The following MYH14 variants were observed in gnomAD, a reference collection of about 807,000 sequenced individuals.
MYH14 encodes the protein myosin-14.
Under a neutral mutation model 255.5 loss-of-function variants are expected in MYH14, and 123 were observed. The observed-to-expected ratio is 0.48, with a 90% CI of 0.42 to 0.56. The LOEUF (loss-of-function observed/expected upper bound fraction) is 0.56, where lower values mean the gene tolerates loss of function less well. Among genes scored for constraint, MYH14 ranks in the 20% least tolerant of loss-of-function variants. The pLI is 0.00. For missense variants in MYH14, 2,423 were observed against 2,802.3 expected, an observed-to-expected ratio of 0.86 and a Z score of 3.06; for synonymous variants, 1,095 against 1,161.2, an observed-to-expected ratio of 0.94 and a Z score of 1.16.
At chr19:50,304,476 G>A (rs2036591495) in intron 40 of MYH14, among the ~76,000 whole-genome samples, 1 of 152,124 alleles carries the variant, frequency 6.6e-6, no homozygotes, top group Non-Finnish European at 1.5e-5. Context: ...TGTAATCCCA[G>A]CTACTCAGGA....
At chr19:50,259,409 C>A (rs2034737360) in intron 19 of MYH14, 144 bp downstream of exon 19, 3 of 1,105,650 alleles carry the variant, frequency 2.7e-6, no homozygotes, top group South Asian at 3.2e-5. Flanking sequence ...CTTTGCTGAG[C>A]CTCAGTTTAC....
At chr19:50,244,387 G>C in intron 11 of MYH14, 50 bp downstream of exon 11, 1 of 1,516,752 alleles carries the variant, frequency 6.6e-7, no homozygotes, top group African/African-American at 1.4e-5. Context: ...CGCCCAGGTG[G>C]TGCCCAGCCC....
chr19:50,230,556 G>A lies in MYH14; in HGVS notation c.906G>A (p.Gln302=). ...TGGAGAAGTCGCGGGCCATCCGCCA[G>A]GCCAAGGACGAGTGCAGCTTCCACA... ...YLLEKSRAIR[Q]AKDECSFHIF... is the part of the protein sequence containing the mutation. Residue 302 remains glutamine (Q), a synonymous_variant, in exon 9 of 43, where the codon CAG becomes CAA. Coordinates refer to ENST00000642316, the MANE Select transcript of MYH14 (RefSeq NM_001145809.2). This position sits in a 1 kb window ranked among gnomAD's most constrained non-coding sequence, Gnocchi z 4.7. The A allele has an allele frequency of 6.4e-7, 1 of 1,570,234 alleles. No homozygotes were observed. The highest frequency in any genetic ancestry group is 8.6e-7 in the Non-Finnish European group (1 of 1,158,212).
Position 50,249,074 on chromosome 19 carries a change from C to A in MYH14, c.1417C>A (p.Arg473Ser). ...LVLRLNRALD[R>S]SPRQGASFLG... Reference sequence around the variant, plus strand: ...TCTGCGCCTCAACCGGGCCTTGGACCGCAGCCCCCGCCAAGGCGCCTCCTT... The same window carrying A: ...TCTGCGCCTCAACCGGGCCTTGGACAGCAGCCCCCGCCAAGGCGCCTCCTT... Residue 473 changes from arginine to serine, a missense_variant, in exon 13 of 43, where the codon CGC (arginine) becomes AGC (serine). By Grantham distance (110) the Arg-to-Ser change is moderately radical. Coordinates refer to ENST00000642316, the MANE Select transcript of MYH14 (RefSeq NM_001145809.2). 1.2e-6 allele frequency: 2 copies of A among 1,607,084 alleles called. No individual in the cohort carries two copies. The highest frequency in any genetic ancestry group is 1.7e-6 in the Non-Finnish European group (2 of 1,177,164).
At chr19:50,244,397 C>T in intron 11 of MYH14, 60 bp downstream of exon 11, 1 of 1,353,700 alleles carries the variant, frequency 7.4e-7, no homozygotes, top group Non-Finnish European at 1.1e-6. Context: ...GTGCCCAGCC[C>T]TCCTGCACCC....
intron 10 of MYH14, among the ~76,000 whole-genome samples, chr19:50,242,074 G>T (rs372103635): frequency 6.6e-6 from 1 of 152,180 alleles, no homozygotes; most frequent in African/African-American, 2.4e-5. Context: ...ATGTCCAGGG[G>T]GCCATTTTTC....
Position 50,237,716 on chromosome 19 carries a change from C to A in MYH14, c.1114+5646C>A, listed in dbSNP as rs74942215. Among the ~76,000 whole-genome samples the A allele has an allele frequency of 8.9e-3, 1,363 of 152,352 alleles. 16 individuals are homozygous for A. The highest frequency in any genetic ancestry group is 0.029 in the African/African-American group (1,193 of 41,582). ...CAGTTCCTCCAGCATATACCTGGAGCACCTGTGTCCCCACCTGCACCCAGC... is the reference window on the plus strand; with the variant it reads ...CAGTTCCTCCAGCATATACCTGGAGAACCTGTGTCCCCACCTGCACCCAGC... On this transcript the variant is annotated intron_variant, in intron 10 of 42. Coordinates refer to ENST00000642316, the MANE Select transcript of MYH14 (RefSeq NM_001145809.2).
At chr19:50,227,699 G>A (rs891943462) in intron 8 of MYH14, among the ~76,000 whole-genome samples, 12 of 152,120 alleles carry the variant, frequency 7.9e-5, no homozygotes, top group African/African-American at 1.9e-4. Context: ...GCATATGGGC[G>A]TTTAAAGGAA....
intron 16 of MYH14, among the ~76,000 whole-genome samples, chr19:50,253,006 G>A (rs1256747485): frequency 1.3e-5 from 2 of 152,210 alleles, no homozygotes; most frequent in Non-Finnish European, 1.5e-5. Context: ...AATCAGAAAC[G>A]TGGCAAAGAT....
chr19:50,300,727 C>T (rs532934800), intron 39 of MYH14, among the ~76,000 whole-genome samples: 35 of 152,044 alleles, frequency 2.3e-4, no homozygotes, highest in Admixed American at 5.2e-4. Flanking sequence ...CCAGCCTGGG[C>T]GACAGAGCAA....
intron 2 of MYH14, among the ~76,000 whole-genome samples, chr19:50,213,444 C>G (rs1243516265): frequency 6.6e-6 from 1 of 152,128 alleles, no homozygotes; most frequent in Non-Finnish European, 1.5e-5. Context: ...AGGTCCTAGC[C>G]ATTGCACTAG....
At chr19:50,236,034 T>TG (rs372932104) in intron 10 of MYH14, among the ~76,000 whole-genome samples, 2 of 149,804 alleles carry the variant, frequency 1.3e-5, no homozygotes, top group African/African-American at 4.9e-5. Flanking sequence ...TTGGAACAAT[T>TG]AAAAAAAAAA....
chr19:50,238,899 G>A (rs1237446062), intron 10 of MYH14, among the ~76,000 whole-genome samples: 3 of 152,070 alleles, frequency 2.0e-5, no homozygotes, highest in South Asian at 4.1e-4. Context: ...TATTTCCTAC[G>A]AACATTCCTT....
At chr19:50,227,056 C>A in intron 8 of MYH14, 90 bp downstream of exon 8, 4 of 1,272,176 alleles carry the variant, frequency 3.1e-6, no homozygotes, top group South Asian at 2.4e-5. Flanking sequence ...ACTGCAGGGA[C>A]CCCTTACCTG....
At position 50,250,670 on chromosome 19, in the gene MYH14, TCTC is replaced by T. The variant is rs1279566356; in HGVS notation, c.1814_1816del (p.Leu605del). On this transcript the variant is annotated inframe_deletion, in exon 15 of 43. Coordinates refer to ENST00000642316, the MANE Select transcript of MYH14 (RefSeq NM_001145809.2). This position sits in a 1 kb window ranked among gnomAD's most constrained non-coding sequence, Gnocchi z 5.4. ...TGCGGGATCAGGCCGACTTCAGTGTTCTCCACTACGCGGGCAAGGTAGGGGCTG... is the reference window on the plus strand; with the variant it reads ...TGCGGGATCAGGCCGACTTCAGTGTTCACTACGCGGGCAAGGTAGGGGCTG... 6.2e-7 allele frequency: 1 copy of T among 1,613,514 alleles called. No individual in the cohort carries two copies. Among genetic ancestry groups the T allele is most frequent in the Non-Finnish European group, 8.5e-7 (1 of 1,179,540 alleles).
intron 40 of MYH14, among the ~76,000 whole-genome samples, chr19:50,304,800 A>G (rs1669543199): frequency 6.6e-6 from 1 of 152,202 alleles, no homozygotes; most frequent in African/African-American, 2.4e-5. Flanking sequence ...AGAAGCTGGA[A>G]TACCCTGAGA....
At chr19:50,271,800 T>C (rs1379165303) in intron 25 of MYH14, 49 bp from the exon 26 acceptor site, 4 of 1,609,394 alleles carry the variant, frequency 2.5e-6, no homozygotes, top group Non-Finnish European at 3.4e-6. Context: ...TAAGGGCTGC[T>C]CCTGGCCCAA....
chr19:50,228,491 C>T (rs1005871751), intron 8 of MYH14, among the ~76,000 whole-genome samples: 2 of 152,074 alleles, frequency 1.3e-5, no homozygotes, highest in East Asian at 1.9e-4. Context: ...AGCAGCCAGC[C>T]GGCCCGTTGG....
chr19:50,257,829 T>C (rs1429943175), intron 18 of MYH14, among the ~76,000 whole-genome samples: 3 of 152,082 alleles, frequency 2.0e-5, no homozygotes, highest in Non-Finnish European at 1.5e-5. Context: ...GTAGGGGTGG[T>C]GAGTATCACA....
Sources: gnomAD v4.1 joint callset for allele counts (sites outside exome capture counted in the v4.1 genomes callset) on GRCh38, gnomAD v4.1.1 for gene constraint, Gnocchi (gnomAD v3.1) non-coding constraint, MANE v1.5 for transcripts, NCBI Gene and HGNC (gene_info 2026-07-23, HGNC 2026-07-21) for gene names.